Variants in PPP1R9A observed in about 807,000 individuals in gnomAD.
PPP1R9A encodes the protein neurabin-1.
A neutral mutation model predicts 141.9 loss-of-function variants in PPP1R9A; 59 were observed. That is an observed-to-expected ratio of 0.42 (90% CI 0.34 to 0.52). PPP1R9A has a LOEUF of 0.52. PPP1R9A is among the 20% of genes least tolerant of loss of function. The pLI is 0.10. For missense variants in PPP1R9A, 1,444 were observed against 1,611.9 expected (o/e 0.90, Z 1.78); for synonymous variants, 500 against 569.7 (o/e 0.88, Z 1.74).
At chr7:95,250,553 A>G (rs1798736067) in intron 10 of PPP1R9A, among the ~76,000 whole-genome samples, 1 of 152,162 alleles carries the variant, frequency 6.6e-6, no homozygotes, top group Non-Finnish European at 1.5e-5. Context: ...TCTTTTTGAA[A>G]CACCTCTATG....
intron 3 of PPP1R9A, among the ~76,000 whole-genome samples, chr7:95,111,678 GCTACAGCT>G (rs1346651939): frequency 6.6e-6 from 1 of 152,182 alleles, no homozygotes; most frequent in Non-Finnish European, 1.5e-5. Flanking sequence ...GGAAAGGGCT[GCTACAGCT>G]GAGAGCCCAG....
intron 17 of PPP1R9A, 38 bp downstream of exon 17, chr7:95,284,368 A>T: frequency 7.2e-7 from 1 of 1,379,642 alleles, no homozygotes; most frequent in East Asian, 2.5e-5. Flanking sequence ...GGTATTTCTT[A>T]TGTGGGGAAA....
chr7:95,173,835 G>C (rs1430495967), intron 5 of PPP1R9A, among the ~76,000 whole-genome samples: 2 of 152,002 alleles, frequency 1.3e-5, no homozygotes, highest in African/African-American at 4.8e-5. Flanking sequence ...CTGTACACCT[G>C]CTAAAAAGGC....
intron 7 of PPP1R9A, among the ~76,000 whole-genome samples, chr7:95,209,833 A>G (rs935827717): frequency 1.3e-5 from 2 of 152,210 alleles, no homozygotes; most frequent in Admixed American, 1.3e-4. Flanking sequence ...AGAATTACTA[A>G]AATAATGATA....
At chr7:95,193,816 A>G (rs969723513) in intron 5 of PPP1R9A, among the ~76,000 whole-genome samples, 2 of 152,102 alleles carry the variant, frequency 1.3e-5, no homozygotes, top group African/African-American at 2.4e-5. Context: ...GCTAGCAGAT[A>G]ATTTCTAAAA....
intron 2 of PPP1R9A, among the ~76,000 whole-genome samples, chr7:94,912,431 C>T (rs1791567526): frequency 6.6e-6 from 1 of 152,138 alleles, no homozygotes; most frequent in African/African-American, 2.4e-5. Context: ...GCATGCTCTC[C>T]TTGGGGAATC....
At chr7:95,252,680 C>G (rs1799055970) in intron 12 of PPP1R9A, among the ~76,000 whole-genome samples, 1 of 152,036 alleles carries the variant, frequency 6.6e-6, no homozygotes, top group South Asian at 2.1e-4. Context: ...GTTGGCCAGG[C>G]TGGTCTCGAA....
At chr7:95,070,465 AAAC>A (rs1056497863) in intron 2 of PPP1R9A, among the ~76,000 whole-genome samples, 1 of 151,836 alleles carries the variant, frequency 6.6e-6, no homozygotes, top group Non-Finnish European at 1.5e-5. Flanking sequence ...CAATTACTGA[AAAC>A]CAGTGATCAA....
At chr7:95,234,527 G>C (rs1013353180) in intron 8 of PPP1R9A, among the ~76,000 whole-genome samples, 1 of 152,142 alleles carries the variant, frequency 6.6e-6, no homozygotes, top group Non-Finnish European at 1.5e-5. Context: ...AGAAATCATA[G>C]ACGACACAAA....
intron 2 of PPP1R9A, among the ~76,000 whole-genome samples, chr7:95,072,863 A>T (rs1270264689): frequency 1.8e-5 from 2 of 110,998 alleles, no homozygotes; most frequent in African/African-American, 3.7e-5. Flanking sequence ...TAAGTTATAT[A>T]ATATAATATA....
At chr7:95,151,575 C>G (rs954698522) in intron 4 of PPP1R9A, among the ~76,000 whole-genome samples, 4 of 151,980 alleles carry the variant, frequency 2.6e-5, no homozygotes, top group Non-Finnish European at 5.9e-5. Context: ...TTTGTCAAAA[C>G]CCGTAGAATG....
intron 3 of PPP1R9A, among the ~76,000 whole-genome samples, chr7:95,118,985 C>CAA (rs11353708): frequency 1.5e-4 from 20 of 129,192 alleles, no homozygotes; most frequent in East Asian, 1.1e-3. Flanking sequence ...TTGTCTCAAA[C>CAA]AAAAAAAAAA....
intron 5 of PPP1R9A, among the ~76,000 whole-genome samples, chr7:95,175,244 A>T (rs2152765177): frequency 7.2e-6 from 1 of 139,794 alleles, no homozygotes; most frequent in South Asian, 2.5e-4. Flanking sequence ...CATAGTACGG[A>T]TCAATAACTA....
At chr7:95,207,604 A>G (rs1167640418) in intron 7 of PPP1R9A, among the ~76,000 whole-genome samples, 2 of 152,190 alleles carry the variant, frequency 1.3e-5, no homozygotes, top group African/African-American at 4.8e-5. Flanking sequence ...AACATTGGAA[A>G]ATCTGTCACT....
At chr7:95,072,743 A>C (rs1340947322) in intron 2 of PPP1R9A, among the ~76,000 whole-genome samples, 1 of 107,420 alleles carries the variant, frequency 9.3e-6, no homozygotes, top group African/African-American at 3.9e-5. Context: ...ATATAATATA[A>C]TATATAATAT....
At chr7:95,209,873 C>G (rs949765839) in intron 7 of PPP1R9A, among the ~76,000 whole-genome samples, 1 of 152,164 alleles carries the variant, frequency 6.6e-6, no homozygotes, top group Non-Finnish European at 1.5e-5. Flanking sequence ...CATAGCTGCC[C>G]TCTTCTATAG....
At chr7:95,153,388 G>A (rs147833691) in intron 4 of PPP1R9A, among the ~76,000 whole-genome samples, 2 of 152,166 alleles carry the variant, frequency 1.3e-5, no homozygotes, top group African/African-American at 2.4e-5. Flanking sequence ...TCATGATTCA[G>A]TTCAGTCAAA....
chr7:95,283,976 G>C (rs554446837), intron 16 of PPP1R9A, 42 bp from the exon 17 acceptor site: 2 of 1,460,598 alleles, frequency 1.4e-6, no homozygotes, highest in Admixed American at 4.0e-5. Context: ...TCTTTTATCC[G>C]CCCTTTCTTT....
At chr7:94,916,267 C>T (rs1464406199) in intron 2 of PPP1R9A, among the ~76,000 whole-genome samples, 1 of 152,142 alleles carries the variant, frequency 6.6e-6, no homozygotes, top group Non-Finnish European at 1.5e-5. Context: ...ATTTCATATT[C>T]TGAAATAATA....
Sources: allele counts gnomAD v4.1 joint callset (sites outside exome capture counted in the v4.1 genomes callset), GRCh38; gene constraint gnomAD v4.1.1; transcripts MANE v1.5; gene names NCBI Gene and HGNC (gene_info 2026-07-23, HGNC 2026-07-21).